The following PTPRD variants were observed in gnomAD, a reference collection of about 807,000 sequenced individuals.
The protein encoded by PTPRD is receptor-type tyrosine-protein phosphatase delta.
Under a neutral mutation model 214.5 loss-of-function variants are expected in PTPRD, and 34 were observed. The observed-to-expected ratio is 0.16, with a 90% CI of 0.12 to 0.21. PTPRD has a LOEUF of 0.21. PTPRD is among the 10% of genes least tolerant of loss of function. The pLI, the probability that PTPRD is intolerant of heterozygous loss-of-function variation, is 1.00. For missense variants in PTPRD, 2,545 were observed against 2,398.7 expected, an observed-to-expected ratio of 1.06 and a Z score of -1.27; for synonymous variants, 1,128 against 845.7, an observed-to-expected ratio of 1.33 and a Z score of -5.79.
intron 5 of PTPRD, among the ~76,000 whole-genome samples, chr9:9,802,800 C>T (rs926859754): frequency 6.6e-6 from 1 of 151,674 alleles, no homozygotes; most frequent in African/African-American, 2.4e-5. Context: ...GGCAACCTCC[C>T]CCTCCCTCAG....
At chr9:10,103,678 C>G (rs956168005) in intron 3 of PTPRD, among the ~76,000 whole-genome samples, 1 of 151,308 alleles carries the variant, frequency 6.6e-6, no homozygotes, top group Admixed American at 6.6e-5. Flanking sequence ...CCACTGAGTT[C>G]TATTAGATAT....
At chr9:9,125,290 C>A (rs1466159727) in intron 10 of PTPRD, among the ~76,000 whole-genome samples, 2 of 152,142 alleles carry the variant, frequency 1.3e-5, no homozygotes, top group Non-Finnish European at 2.9e-5. Flanking sequence ...ATGGGAGCAC[C>A]TCGCTGCCAG....
chr9:8,550,960 A>T (rs2081924119), intron 14 of PTPRD, among the ~76,000 whole-genome samples: 1 of 152,184 alleles, frequency 6.6e-6, no homozygotes, highest in Non-Finnish European at 1.5e-5. Flanking sequence ...ACAATTACTC[A>T]TCACCAACAA....
intron 5 of PTPRD, among the ~76,000 whole-genome samples, chr9:9,781,797 A>ATT (rs34458091): frequency 6.8e-6 from 1 of 146,674 alleles, no homozygotes; most frequent in Non-Finnish European, 1.5e-5. Context: ...CTGGACTCAT[A>ATT]TTTTTTTTTT....
At chr9:8,490,803 T>C (rs1278471949) in intron 27 of PTPRD, among the ~76,000 whole-genome samples, 1 of 152,206 alleles carries the variant, frequency 6.6e-6, no homozygotes, top group Non-Finnish European at 1.5e-5. Flanking sequence ...TTACAGGTTG[T>C]AGAAACAAGG....
intron 34 of PTPRD, among the ~76,000 whole-genome samples, chr9:8,440,651 G>C (rs1175073269): frequency 1.3e-5 from 2 of 152,080 alleles, no homozygotes; most frequent in Non-Finnish European, 2.9e-5. Flanking sequence ...AATCTGTTAA[G>C]ACTTTTTATT....
At chr9:9,728,032 C>T (rs2154438168) in intron 7 of PTPRD, among the ~76,000 whole-genome samples, 1 of 152,236 alleles carries the variant, frequency 6.6e-6, no homozygotes. Flanking sequence ...TTCCCCCATA[C>T]AGTTCTTGTG....
At chr9:9,923,248 A>AG (rs2083167289) in intron 5 of PTPRD, among the ~76,000 whole-genome samples, 1 of 97,634 alleles carries the variant, frequency 1.0e-5, no homozygotes, top group African/African-American at 7.8e-5. Flanking sequence ...CCTTTCTGTT[A>AG]GTTTTTTTTT....
At chr9:9,186,232 T>C (rs2099931388) in intron 9 of PTPRD, among the ~76,000 whole-genome samples, 1 of 152,032 alleles carries the variant, frequency 6.6e-6, no homozygotes. Flanking sequence ...GAGAAAGAAA[T>C]GAACAAGGAG....
chr9:10,343,312 CT>C (rs1332148999), intron 2 of PTPRD, among the ~76,000 whole-genome samples: 1 of 152,116 alleles, frequency 6.6e-6, no homozygotes, highest in Non-Finnish European at 1.5e-5. Flanking sequence ...TGAACTCATC[CT>C]TTTTTATGGC....
At chr9:10,030,635 T>C (rs1203611577) in intron 4 of PTPRD, among the ~76,000 whole-genome samples, 1 of 152,134 alleles carries the variant, frequency 6.6e-6, no homozygotes, top group Non-Finnish European at 1.5e-5. Flanking sequence ...GTCAAATATA[T>C]GAGGGGCCTG....
At chr9:8,931,738 G>A (rs1272648051) in intron 11 of PTPRD, among the ~76,000 whole-genome samples, 1 of 152,084 alleles carries the variant, frequency 6.6e-6, no homozygotes, top group Non-Finnish European at 1.5e-5. Context: ...CAGAAGGAAT[G>A]TTACCAGCTC....
At chr9:10,401,653 A>C (rs1025915744) in intron 2 of PTPRD, among the ~76,000 whole-genome samples, 6 of 148,462 alleles carry the variant, frequency 4.0e-5, no homozygotes, top group Non-Finnish European at 9.0e-5. Context: ...AATACTATAG[A>C]TATACTGTTA....
chr9:10,144,702 G>C (rs1307808484), intron 3 of PTPRD, among the ~76,000 whole-genome samples: 1 of 152,012 alleles, frequency 6.6e-6, no homozygotes, highest in African/African-American at 2.4e-5. Context: ...GACTAGCTTC[G>C]TTAGATATTA....
chr9:9,192,383 A>G (rs1185977505), intron 9 of PTPRD, among the ~76,000 whole-genome samples: 1 of 152,124 alleles, frequency 6.6e-6, no homozygotes, highest in African/African-American at 2.4e-5. Context: ...CTGCTTTGGT[A>G]GTAGGCTAAT....
intron 39 of PTPRD, among the ~76,000 whole-genome samples, chr9:8,366,631 G>A (rs895436512): frequency 6.6e-6 from 1 of 152,170 alleles, no homozygotes; most frequent in Admixed American, 6.5e-5. Context: ...AGCTTGAGGA[G>A]GCAGTCTGAC....
chr9:10,364,016 T>TTTTTTTTTTTTTTGTTG (rs2097458281), intron 2 of PTPRD, among the ~76,000 whole-genome samples: 1 of 142,954 alleles, frequency 7.0e-6, no homozygotes. Flanking sequence ...TTTTTTTTTT[T>TTTTTTTTTTTTTTGTTG]TGAGATGGAG....
In PTPRD at chr9:9,100,912, T is replaced by C. The variant is rs187313633; in HGVS notation, c.-142-82177A>G. Among the ~76,000 whole-genome samples, 328 of 152,302 alleles carry C rather than the reference T, an allele frequency of 2.2e-3. 3 individuals are homozygous for C. Among genetic ancestry groups the C allele is most frequent in the African/African-American group, 7.5e-3 (312 of 41,582 alleles). Reference sequence around the variant, plus strand: ...TGTATAATCATAAACAGAAATTTGATTGCTTAAGAATTTATAATGCGTAAA... The same window carrying C: ...TGTATAATCATAAACAGAAATTTGACTGCTTAAGAATTTATAATGCGTAAA... On this transcript the variant is annotated intron_variant, in intron 10 of 45. Coordinates refer to ENST00000381196, the MANE Select transcript of PTPRD (RefSeq NM_002839.4).
chr9:10,327,807 T>C (rs920781537), intron 3 of PTPRD, among the ~76,000 whole-genome samples: 2 of 151,728 alleles, frequency 1.3e-5, no homozygotes, highest in African/African-American at 4.8e-5. Context: ...CTCAAACCAA[T>C]GCCAAACTTT....
Sources: allele counts gnomAD v4.1 joint callset (sites outside exome capture counted in the v4.1 genomes callset), GRCh38; gene constraint gnomAD v4.1.1; transcripts MANE v1.5; gene names NCBI Gene and HGNC (gene_info 2026-07-23, HGNC 2026-07-21).